The following TET1 variants were observed in gnomAD, a reference collection of about 807,000 sequenced individuals.
TET1 encodes the protein tet methylcytosine dioxygenase 1.
TET1 carries 13 observed loss-of-function variants against 148.7 expected under a neutral mutation model. The observed-to-expected ratio is 0.09, with a 90% confidence interval of 0.06 to 0.14. The LOEUF is 0.14. Ranked by LOEUF, TET1 falls within the 10% of genes least tolerant of loss-of-function variation. TET1 has a pLI of 1.00. For missense variants in TET1, 2,182 were observed against 2,553.8 expected (o/e 0.85, Z 3.14); for synonymous variants, 907 against 937.2 (o/e 0.97, Z 0.59).
chr10:68,668,011 T>A (rs1388035979), intron 7 of TET1, among the ~76,000 whole-genome samples: 1 of 152,196 alleles, frequency 6.6e-6, no homozygotes, highest in Non-Finnish European at 1.5e-5. Context: ...CAGTGTAATT[T>A]TGACCTGAAT....
intron 2 of TET1, among the ~76,000 whole-genome samples, chr10:68,592,568 C>T (rs1191218311): frequency 6.6e-6 from 1 of 151,846 alleles, no homozygotes; most frequent in Non-Finnish European, 1.5e-5. Flanking sequence ...ACCTTGCTAC[C>T]CAAGTGGTGG....
chr10:68,563,328 T>TAGAA, intron 1 of TET1, among the ~76,000 whole-genome samples: 1 of 152,252 alleles, frequency 6.6e-6, no homozygotes, highest in East Asian at 1.9e-4. Context: ...GCCTGCCTGC[T>TAGAA]CTTCCTTTCG....
At chr10:68,641,800 C>CTATT (rs1300309356) in intron 3 of TET1, among the ~76,000 whole-genome samples, 2 of 151,988 alleles carry the variant, frequency 1.3e-5, no homozygotes, top group South Asian at 4.2e-4. Context: ...CGCACCTGGC[C>CTATT]TATTTATTTA....
At chr10:68,569,166 CTT>C (rs34385747) in intron 1 of TET1, among the ~76,000 whole-genome samples, 23 of 69,766 alleles carry the variant, frequency 3.3e-4, no homozygotes, top group East Asian at 4.8e-4. Flanking sequence ...AGGAGAGTTT[CTT>C]TTTTTTTTTT....
At chr10:68,660,628 G>A (rs2055093983) in intron 6 of TET1, among the ~76,000 whole-genome samples, 1 of 138,298 alleles carries the variant, frequency 7.2e-6, no homozygotes, top group African/African-American at 2.9e-5. Context: ...AGGTGTGCCT[G>A]GCCAATTTTT....
chr10:68,573,070 T>C lies in TET1; in HGVS notation c.732T>C (p.Ala244=), dbSNP rs753892958. The stretch of plus-strand genomic sequence containing the variant: ...CCAGTGGTTCCCCAAAAATGTTTGC[T>C]CAGGACACAGTGTGTGCTCCTTTTC... The part of the protein sequence containing the change: ...NDTSGSPKMF[A]QDTVCAPFPQ... Residue 244 remains alanine (A), a synonymous_variant, in exon 2 of 12, where the codon GCT becomes GCC. Coordinates refer to ENST00000373644, the MANE Select transcript of TET1 (RefSeq NM_030625.3). 20 of 1,614,024 alleles carry C rather than the reference T, an allele frequency of 1.2e-5. No individual in the cohort carries two copies. The African/African-American group carries it at 2.7e-4, about 22-fold the overall frequency.
chr10:68,633,621 G>T (rs889012523), intron 3 of TET1, among the ~76,000 whole-genome samples: 1 of 151,966 alleles, frequency 6.6e-6, no homozygotes, highest in African/African-American at 2.4e-5. Context: ...TAGAGATAGG[G>T]TTTCACCATA....
At chr10:68,589,221 C>G (rs1321378141) in intron 2 of TET1, among the ~76,000 whole-genome samples, 1 of 151,944 alleles carries the variant, frequency 6.6e-6, no homozygotes, top group Non-Finnish European at 1.5e-5. Flanking sequence ...TTCACATTCA[C>G]TCTCCTATTC....
intron 2 of TET1, among the ~76,000 whole-genome samples, chr10:68,597,146 G>T (rs1035627132): frequency 6.7e-6 from 1 of 149,370 alleles, no homozygotes; most frequent in African/African-American, 2.5e-5. Flanking sequence ...TGATCCTCCT[G>T]CCTCAGTCTC....
chr10:68,637,539 T>TTTTTTTTTTTTC (rs2054672119), intron 3 of TET1, among the ~76,000 whole-genome samples: 10 of 148,014 alleles, frequency 6.8e-5, no homozygotes, highest in African/African-American at 2.5e-4. Context: ...TTTTTTTTTT[T>TTTTTTTTTTTTC]AAGAGACAGA....
At chr10:68,598,186 C>T (rs539863038) in intron 2 of TET1, among the ~76,000 whole-genome samples, 11 of 152,218 alleles carry the variant, frequency 7.2e-5, no homozygotes, top group East Asian at 3.9e-4. Flanking sequence ...GTCAAGAGTC[C>T]GAGACCAGCC....
intron 3 of TET1, among the ~76,000 whole-genome samples, chr10:68,624,100 T>TTTC (rs1384000039): frequency 5.4e-4 from 60 of 110,610 alleles, no homozygotes; most frequent in African/African-American, 1.5e-3. Flanking sequence ...TCTTTCTTTC[T>TTTC]TTTCTTTTTT....
chr10:68,576,036 T>A (rs926956319), intron 2 of TET1, among the ~76,000 whole-genome samples: 18 of 145,020 alleles, frequency 1.2e-4, no homozygotes, highest in African/African-American at 4.4e-4. Flanking sequence ...AAAAAAAAAT[T>A]AAATAAATAA....
rs545769775 is a variant in TET1 at position 68,602,707 on chromosome 10, T to C, written c.1968+1673T>C. On this transcript the variant is annotated intron_variant, in intron 3 of 11. Coordinates refer to ENST00000373644, the MANE Select transcript of TET1 (RefSeq NM_030625.3). Reference sequence around the variant, plus strand: ...TTAAAAGAAAAAGAATAAAAGTGCCTGTGGGTGGCCACATTTCATCTGCAA... The same window carrying C: ...TTAAAAGAAAAAGAATAAAAGTGCCCGTGGGTGGCCACATTTCATCTGCAA... Among the ~76,000 whole-genome samples the C allele has an allele frequency of 9.8e-5, 15 of 152,326 alleles. No individual in the cohort carries two copies. In the South Asian group the frequency reaches 3.1e-3, roughly 32 times the overall value.
At chr10:68,600,209 C>T (rs752247018) in intron 2 of TET1, among the ~76,000 whole-genome samples, 34 of 152,208 alleles carry the variant, frequency 2.2e-4, no homozygotes, top group Non-Finnish European at 4.4e-4. Context: ...GCCCAAATGC[C>T]CCCCTAGGCT....
chr10:68,670,482 T>A (rs1418940849), intron 7 of TET1, among the ~76,000 whole-genome samples: 1 of 152,222 alleles, frequency 6.6e-6, no homozygotes, highest in African/African-American at 2.4e-5. Flanking sequence ...AGATGAAATA[T>A]AACCTGGACT....
intron 2 of TET1, among the ~76,000 whole-genome samples, chr10:68,593,219 A>C (rs993294244): frequency 7.3e-6 from 1 of 137,820 alleles, no homozygotes; most frequent in Non-Finnish European, 1.5e-5. Flanking sequence ...CGAGAGAGTG[A>C]AACTCTGTCT....
At chr10:68,632,549 A>G (rs1489947212) in intron 3 of TET1, 8 of 1,609,832 alleles carry the variant, frequency 5.0e-6, no homozygotes, top group Non-Finnish European at 6.8e-6. Context: ...AGATCATGTG[A>G]TGTTGGAGTA....
At position 68,606,100 on chromosome 10, in the gene TET1, C is replaced by T. The variant is rs1054487647; in HGVS notation, c.1968+5066C>T. 2.6e-5 allele frequency among the ~76,000 whole-genome samples: 4 copies of T among 152,174 alleles called. No homozygotes were observed. In the East Asian group the frequency reaches 5.8e-4, roughly 22 times the overall value. On this transcript the variant is annotated intron_variant, in intron 3 of 11. Transcript: ENST00000373644. Reference sequence around the variant, plus strand: ...GCTATAAATAGGCCAGGTTCGGTGGCTCATGTCTGTAATCCCAGCACTTTG... The same window carrying T: ...GCTATAAATAGGCCAGGTTCGGTGGTTCATGTCTGTAATCCCAGCACTTTG...
Sources: gnomAD v4.1 joint callset for allele counts (sites outside exome capture counted in the v4.1 genomes callset) on GRCh38, gnomAD v4.1.1 for gene constraint, MANE v1.5 for transcripts, NCBI Gene and HGNC (gene_info 2026-07-23, HGNC 2026-07-21) for gene names.